ZC3H3: variants seen among roughly 807,000 people sequenced by gnomAD.
ZC3H3 encodes zinc finger CCCH-type containing 3.
Under a neutral mutation model 77.3 loss-of-function variants are expected in ZC3H3, and 36 were observed. That is an observed-to-expected ratio of 0.47 (90% CI 0.36 to 0.61). ZC3H3 has a LOEUF of 0.61. Ranked by LOEUF, ZC3H3 falls within the 20% of genes least tolerant of loss-of-function variation. ZC3H3 has a pLI of 0.00. For missense variants in ZC3H3, 1,331 were observed against 1,312.2 expected, an observed-to-expected ratio of 1.01 and a Z score of -0.22; for synonymous variants, 626 against 555.2, an observed-to-expected ratio of 1.13 and a Z score of -1.79.
rs762169036 is a variant in ZC3H3 at position 143,536,393 on chromosome 8, G to A, written c.1425C>T (p.Ser475=). 6 of 1,576,782 alleles carry A rather than the reference G, an allele frequency of 3.8e-6. No individual in the cohort carries two copies. Among genetic ancestry groups the A allele is most frequent in the Admixed American group, 1.8e-5 (1 of 54,600 alleles). ...CCCTGAGGGCCTGTCTCCGCCGGAGGCTGAGGTGGCTCTTGGCGGTGGCGG... is the reference window on the plus strand; with the variant it reads ...CCCTGAGGGCCTGTCTCCGCCGGAGACTGAGGTGGCTCTTGGCGGTGGCGG... The part of the protein sequence containing the change: ...SPAATAKSHL[S]LRRRQALRGK... The change falls in exon 3 of 12, where the codon AGC becomes AGT. Residue 475 remains serine (S), a synonymous_variant. Transcript: ENST00000262577.
chr8:143,511,476 A>G (rs1209918061), intron 3 of ZC3H3, among the ~76,000 whole-genome samples: 1 of 152,208 alleles, frequency 6.6e-6, no homozygotes, highest in Non-Finnish European at 1.5e-5. Flanking sequence ...ATGAAACTAG[A>G]ATTACTACTC....
In ZC3H3 at chr8:143,530,498, G is replaced by A. The variant is rs1822567949; in HGVS notation, c.1561+5759C>T. Among the ~76,000 whole-genome samples, 4 of 152,130 alleles carry A rather than the reference G, an allele frequency of 2.6e-5. No homozygotes were observed. Among genetic ancestry groups the A allele is most frequent in the African/African-American group, 9.7e-5 (4 of 41,444 alleles). On this transcript the variant is annotated intron_variant, in intron 3 of 11. Coordinates refer to ENST00000262577, the MANE Select transcript of ZC3H3 (RefSeq NM_015117.3). This position sits in a 1 kb window ranked among gnomAD's most constrained non-coding sequence, Gnocchi z 4.3. ...GAATCCCATCACCTCCCGCCACCAA[G>A]AAGCTCCCCAGCCTGGGCACAGGGT... is the stretch of plus-strand genomic sequence containing the variant.
At chr8:143,479,350 C>T (rs1036888323) in intron 4 of ZC3H3, among the ~76,000 whole-genome samples, 1 of 152,242 alleles carries the variant, frequency 6.6e-6, no homozygotes, top group African/African-American at 2.4e-5. Flanking sequence ...CCTTTGGAAA[C>T]GAACTGCATT....
intron 3 of ZC3H3, among the ~76,000 whole-genome samples, chr8:143,519,412 G>C (rs1005965657): frequency 1.3e-5 from 2 of 152,158 alleles, no homozygotes; most frequent in Non-Finnish European, 2.9e-5. Flanking sequence ...CTGGGGTTGG[G>C]AGCTCATCTT....
intron 1 of ZC3H3, among the ~76,000 whole-genome samples, chr8:143,541,109 C>G (rs1822998476): frequency 1.3e-5 from 2 of 152,110 alleles, no homozygotes; most frequent in South Asian, 4.1e-4. Context: ...AGGGCCGCCG[C>G]CCCCCGCGGG....
At chr8:143,449,730 CAAAA>C (rs1271832503) in intron 9 of ZC3H3, among the ~76,000 whole-genome samples, 2 of 111,236 alleles carry the variant, frequency 1.8e-5, no homozygotes, top group Non-Finnish European at 3.9e-5. Context: ...GACTCCATGT[CAAAA>C]AAACAAACAA....
intron 9 of ZC3H3, among the ~76,000 whole-genome samples, chr8:143,463,871 G>A (rs1286823622): frequency 3.9e-5 from 6 of 152,238 alleles, no homozygotes; most frequent in East Asian, 1.9e-4. Context: ...AGCCACAGCC[G>A]TGGCCCCCCA....
chr8:143,463,720 C>T (rs1027597197), intron 9 of ZC3H3, among the ~76,000 whole-genome samples: 4 of 152,182 alleles, frequency 2.6e-5, no homozygotes, highest in African/African-American at 7.2e-5. Flanking sequence ...AGGACAGGGA[C>T]GCCTACTGGG....
intron 3 of ZC3H3, among the ~76,000 whole-genome samples, chr8:143,520,316 G>A (rs945813060): frequency 6.6e-6 from 1 of 152,186 alleles, no homozygotes; most frequent in Non-Finnish European, 1.5e-5. Flanking sequence ...GCTGGACCCC[G>A]ACTTGGGAGG....
chr8:143,484,922 T>C (rs983206411), intron 4 of ZC3H3: 1 of 453,208 alleles, frequency 2.2e-6, no homozygotes, highest in Non-Finnish European at 4.4e-6. Context: ...GCAAACTTCA[T>C]GCGGCCCTTG....
At chr8:143,505,756 C>A (rs1056784944) in intron 4 of ZC3H3, among the ~76,000 whole-genome samples, 29 of 152,334 alleles carry the variant, frequency 1.9e-4, no homozygotes, top group African/African-American at 6.3e-4. Context: ...GACACTGAGG[C>A]CTGGAGCCCA....
At chr8:143,527,442 C>G (rs1644901223) in intron 3 of ZC3H3, among the ~76,000 whole-genome samples, 1 of 152,178 alleles carries the variant, frequency 6.6e-6, no homozygotes, top group Admixed American at 6.5e-5. Flanking sequence ...AGGTCTTCAG[C>G]TTGGCACCCA....
chr8:143,513,619 G>A (rs1442515949), intron 3 of ZC3H3, among the ~76,000 whole-genome samples: 2 of 152,230 alleles, frequency 1.3e-5, no homozygotes, highest in Non-Finnish European at 2.9e-5. Flanking sequence ...ACATATGTCT[G>A]AGCGGGGCGC....
chr8:143,502,629 T>G (rs1821560247), intron 4 of ZC3H3, among the ~76,000 whole-genome samples: 1 of 152,252 alleles, frequency 6.6e-6, no homozygotes, highest in African/African-American at 2.4e-5. Context: ...TCTGTTTATT[T>G]CGCACTTTCA....
intron 9 of ZC3H3, among the ~76,000 whole-genome samples, chr8:143,461,681 CT>C (rs1415935205): frequency 6.6e-6 from 1 of 152,160 alleles, no homozygotes; most frequent in Middle Eastern, 3.2e-3. Flanking sequence ...CGCTGAGGTG[CT>C]GCAGGACAGA....
intron 4 of ZC3H3, among the ~76,000 whole-genome samples, chr8:143,500,805 C>A (rs543123224): frequency 7.2e-6 from 1 of 139,072 alleles, no homozygotes; most frequent in African/African-American, 2.7e-5. Flanking sequence ...CACACCGTCA[C>A]GTCACAATGT....
chr8:143,541,243 C>T (rs771517408), intron 1 of ZC3H3, 133 bp downstream of exon 1: 4 of 1,505,818 alleles, frequency 2.7e-6, no homozygotes, highest in Non-Finnish European at 2.7e-6. Flanking sequence ...CTGGCGGACC[C>T]TACCGTCCCC....
chr8:143,486,415 G>A (rs79579992), intron 4 of ZC3H3, among the ~76,000 whole-genome samples: 17,636 of 152,196 alleles, frequency 0.12, 1,273 homozygotes, highest in Admixed American at 0.19. Flanking sequence ...CTGTCCTCCC[G>A]TGGCTTTTCC....
chr8:143,522,019 C>A (rs1822260105), intron 3 of ZC3H3, among the ~76,000 whole-genome samples: 1 of 152,174 alleles, frequency 6.6e-6, no homozygotes, highest in Non-Finnish European at 1.5e-5. Flanking sequence ...AGGGGTGTGT[C>A]CACCCAGGTG....
Sources: gnomAD v4.1 joint callset for allele counts (sites outside exome capture counted in the v4.1 genomes callset) on GRCh38, gnomAD v4.1.1 for gene constraint, Gnocchi (gnomAD v3.1) non-coding constraint, MANE v1.5 for transcripts, NCBI Gene and HGNC (gene_info 2026-07-23, HGNC 2026-07-21) for gene names.